The following EVC variants were observed in gnomAD, a reference collection of about 807,000 sequenced individuals.
EVC encodes evC complex member EVC.
Under a neutral mutation model 118.9 loss-of-function variants are expected in EVC, and 116 were observed. The observed-to-expected ratio is 0.98, with a 90% CI of 0.84 to 1.14. The LOEUF is 1.14. Ranked by LOEUF, EVC falls within the 50% of genes most tolerant of loss-of-function variation. EVC has a pLI of 0.00. For missense variants in EVC, 1,401 were observed against 1,246.4 expected (o/e 1.12, Z -1.87); for synonymous variants, 619 against 534.7 (o/e 1.16, Z -2.18).
chr4:5,810,149 G>A (rs1020936502), intron 19 of EVC, among the ~76,000 whole-genome samples, 190 bp from the exon 20 acceptor site: 11 of 152,244 alleles, frequency 7.2e-5, no homozygotes, highest in Non-Finnish European at 1.5e-4. Flanking sequence ...GCAGGCTTGG[G>A]AGAGTACGTC....
rs143971158 is a variant in EVC, at chr4:5,756,327, G to A, written c.1528G>A (p.Val510Ile). The stretch of plus-strand genomic sequence containing the variant: ...GTGTGACCTGGAGGAAGAGGAGAAT[G>A]TCAGAGCCACCGAGGCTGTGGTTGC... ...MQCDLEEEENVRATEAVVALC... is the reference protein window; with the variant it reads ...MQCDLEEEENIRATEAVVALC... Residue 510 changes from valine to isoleucine, a missense_variant, in exon 11 of 21, where the codon GTC becomes ATC. Physicochemically the swap from Val to Ile is conservative, Grantham distance 29. Coordinates refer to ENST00000264956, the MANE Select transcript of EVC (RefSeq NM_153717.3). The surrounding 1 kb of genome is among the most constrained non-coding windows in gnomAD (Gnocchi z 4.2). The A allele has an allele frequency of 2.0e-3, 3,174 of 1,612,454 alleles. 6 individuals are homozygous for A. Among genetic ancestry groups the A allele is most frequent in the Non-Finnish European group, 2.2e-3 (2,596 of 1,179,576 alleles).
In EVC at chr4:5,733,384, C is replaced by T. The variant is rs746235321; in HGVS notation, c.651C>T (p.His217=). 5 of 1,614,118 alleles carry T rather than the reference C, an allele frequency of 3.1e-6. No homozygotes were observed. The highest frequency in any genetic ancestry group is 2.2e-5 in the East Asian group (1 of 44,874). Residue 217 remains histidine, a synonymous_variant, in exon 5 of 21, where the codon CAC becomes CAT. Coordinates refer to ENST00000264956, the MANE Select transcript of EVC (RefSeq NM_153717.3). ...TTGACCTGTGTATCTACAGCCTTCA[C>T]TTAAAAGACCTGCTGCATTTGGACA... ...VDVDLCIYSL[H]LKDLLHLDTA...
At chr4:5,760,960 A>G (rs1458998617) in intron 11 of EVC, among the ~76,000 whole-genome samples, 1 of 152,112 alleles carries the variant, frequency 6.6e-6, no homozygotes, top group African/African-American at 2.4e-5. Flanking sequence ...CGCCTGGCAT[A>G]TTTTACATTT....
chr4:5,745,487 G>A, intron 7 of EVC, 146 bp downstream of exon 7: 1 of 787,896 alleles, frequency 1.3e-6, no homozygotes, highest in Non-Finnish European at 2.1e-6. Context: ...TCCAGTTTCT[G>A]ATGCTAAGTG....
At chr4:5,825,721 A>G in the EVC span, 1 of 1,564,482 alleles carries the variant, frequency 6.4e-7, no homozygotes, top group Admixed American at 2.0e-5. This position sits in a 1 kb window ranked among gnomAD's most constrained non-coding sequence, Gnocchi z 4.4. Context: ...TTCTGGGCAG[A>G]TAAAGCAGAG....
the EVC span, among the ~76,000 whole-genome samples, chr4:5,827,733 G>GCA: frequency 9.3e-3 from 1,280 of 138,298 alleles, 10 homozygotes; most frequent in South Asian, 0.026. Flanking sequence ...ATGTGCGCGT[G>GCA]CACACACACA....
At chr4:5,758,321 C>T (rs565600081) in intron 11 of EVC, 14 of 540,694 alleles carry the variant, frequency 2.6e-5, no homozygotes, top group East Asian at 6.1e-5. Flanking sequence ...ACCCAGTTTG[C>T]GGCGCTTTGT....
At chr4:5,825,396 G>A in the EVC span, 10 of 1,470,454 alleles carry the variant, frequency 6.8e-6, no homozygotes, top group African/African-American at 1.5e-4. This position sits in a 1 kb window ranked among gnomAD's most constrained non-coding sequence, Gnocchi z 4.4. Flanking sequence ...TCTTCATCTA[G>A]TGTCCAAGGC....
intron 11 of EVC, among the ~76,000 whole-genome samples, chr4:5,764,409 G>T: frequency 7.2e-6 from 1 of 138,172 alleles, no homozygotes; most frequent in African/African-American, 2.7e-5. Context: ...GGATGATGCT[G>T]GCCTCATAAA....
chr4:5,808,103 A>C, intron 17 of EVC, 98 bp from the exon 18 acceptor site: 1 of 957,484 alleles, frequency 1.0e-6, no homozygotes, highest in East Asian at 2.7e-5. Flanking sequence ...TGGGGCTCCC[A>C]GGGATCAGCA....
At chr4:5,739,886 A>G (rs1461730113) in intron 5 of EVC, among the ~76,000 whole-genome samples, 1 of 131,090 alleles carries the variant, frequency 7.6e-6, no homozygotes, top group Non-Finnish European at 1.6e-5. Context: ...GGCAACACAG[A>G]GAAACCCCAT....
intron 7 of EVC, among the ~76,000 whole-genome samples, chr4:5,747,932 A>C (rs1729616378): frequency 6.6e-6 from 1 of 152,274 alleles, no homozygotes; most frequent in South Asian, 2.1e-4. Flanking sequence ...CTGAAACACC[A>C]TTGCAAAACT....
chr4:5,742,671 CATT>C lies in EVC; in HGVS notation c.801+858_801+860del, dbSNP rs1405203361. On this transcript the variant is annotated intron_variant, in intron 6 of 20. Coordinates refer to ENST00000264956, the MANE Select transcript of EVC (RefSeq NM_153717.3). The surrounding 1 kb of genome is among the most constrained non-coding windows in gnomAD (Gnocchi z 5.2). ...CCATCATCATGAGCATCATTTTTAT[CATT>C]GTTGTAATTATTGGCATTCTCATTA... Among the ~76,000 whole-genome samples the C allele has an allele frequency of 6.6e-6, 1 of 152,154 alleles. No homozygotes were observed. The highest frequency in any genetic ancestry group is 1.5e-5 in the Non-Finnish European group (1 of 68,026).
chr4:5,783,545 G>T lies in EVC; in HGVS notation c.1564-7G>T. Reference sequence around the variant, plus strand: ...CCTGTAACCCCATCTGTGGTTCTCCGCTCCAGGAGCTGTACTTCAGCACCG... The same window carrying T: ...CCTGTAACCCCATCTGTGGTTCTCCTCTCCAGGAGCTGTACTTCAGCACCG... On this transcript the variant is annotated splice_region_variant and splice_polypyrimidine_tract_variant and intron_variant, in intron 11 of 20. Coordinates refer to ENST00000264956, the MANE Select transcript of EVC (RefSeq NM_153717.3). The T allele has an allele frequency of 3.1e-6, 5 of 1,614,034 alleles. No individual in the cohort carries two copies. The highest frequency in any genetic ancestry group is 4.2e-6 in the Non-Finnish European group (5 of 1,179,942).
chr4:5,769,322 C>A (rs949866115), intron 11 of EVC, among the ~76,000 whole-genome samples: 2 of 152,114 alleles, frequency 1.3e-5, no homozygotes, highest in East Asian at 3.9e-4. Context: ...AAAGACCCAC[C>A]CCAGTGACTC....
At position 5,783,481 on chromosome 4, in the gene EVC, C is replaced by T. The variant is rs1414418621; in HGVS notation, c.1564-71C>T. On this transcript the variant is annotated intron_variant, in intron 11 of 20. Coordinates refer to ENST00000264956, the MANE Select transcript of EVC (RefSeq NM_153717.3). ...TTGTGGGAGGCTTGTGGAGGAGAGG[C>T]AGAGAGCAGCTCAGGCCCCACACAG... The T allele has an allele frequency of 1.9e-5, 28 of 1,458,214 alleles. 1 individual carries two copies. Among genetic ancestry groups the T allele is most frequent in the Middle Eastern group, 3.7e-4 (2 of 5,358 alleles). 90.3% of individuals were successfully genotyped at this position (1,458,214 alleles called of 1,614,324 possible).
intron 2 of EVC, among the ~76,000 whole-genome samples, chr4:5,722,488 A>G (rs1725122429): frequency 6.6e-6 from 1 of 152,176 alleles, no homozygotes; most frequent in Non-Finnish European, 1.5e-5. Flanking sequence ...GGATCGAGCT[A>G]TAACTTTCTT....
At chr4:5,783,786 G>C (rs1736012448) in intron 12 of EVC, 22 bp downstream of exon 12, 1 of 1,587,014 alleles carries the variant, frequency 6.3e-7, no homozygotes, top group African/African-American at 1.3e-5. Flanking sequence ...TGGGAACCCA[G>C]GGGCTGGGGT....
intron 11 of EVC, among the ~76,000 whole-genome samples, chr4:5,775,001 G>C (rs1198342515): frequency 6.6e-6 from 1 of 152,116 alleles, no homozygotes; most frequent in African/African-American, 2.4e-5. Flanking sequence ...ATTAGAAGGA[G>C]CCTAAGCTAA....
Sources: gnomAD v4.1 joint callset for allele counts (sites outside exome capture counted in the v4.1 genomes callset) on GRCh38, gnomAD v4.1.1 for gene constraint, Gnocchi (gnomAD v3.1) non-coding constraint, MANE v1.5 for transcripts, NCBI Gene and HGNC (gene_info 2026-07-23, HGNC 2026-07-21) for gene names.